Variants in LRRTM4 observed in about 807,000 individuals in gnomAD.
LRRTM4 encodes leucine-rich repeat transmembrane neuronal protein 4.
Under a neutral mutation model 47.6 loss-of-function variants are expected in LRRTM4, and 25 were observed. The ratio of observed to expected loss-of-function variants is 0.53; its 90% CI spans 0.38 to 0.73. LRRTM4 has a LOEUF of 0.73. LRRTM4 is among the 30% of genes least tolerant of loss of function. LRRTM4 has a pLI of 0.00. For missense variants in LRRTM4, 638 were observed against 713.4 expected (o/e 0.89, Z 1.20); for synonymous variants, 311 against 269.5 (o/e 1.15, Z -1.51).
chr2:76,962,417 A>C (rs1562343), intron 3 of LRRTM4, among the ~76,000 whole-genome samples: 1 of 150,942 alleles, frequency 6.6e-6, no homozygotes, highest in African/African-American at 2.4e-5. Context: ...TGTTGTTTGC[A>C]TAACAATATA....
At chr2:77,403,067 A>G (rs545584216) in intron 3 of LRRTM4, among the ~76,000 whole-genome samples, 1 of 152,106 alleles carries the variant, frequency 6.6e-6, no homozygotes, top group Non-Finnish European at 1.5e-5. Flanking sequence ...ACAATGAACC[A>G]TAAAAATTCT....
At chr2:77,307,507 A>G (rs530512086) in intron 3 of LRRTM4, among the ~76,000 whole-genome samples, 28 of 145,216 alleles carry the variant, frequency 1.9e-4, no homozygotes, top group Admixed American at 5.7e-4. Context: ...TCTATTACAC[A>G]CACACTACAT....
intron 3 of LRRTM4, among the ~76,000 whole-genome samples, chr2:77,445,655 C>CATTGACAAATGGTATT (rs1676023900): frequency 6.6e-6 from 1 of 151,970 alleles, no homozygotes; most frequent in African/African-American, 2.4e-5. Flanking sequence ...ATTTTCACAT[C>CATTGACAAATGGTATT]TCCAAACAAA....
rs1262052096 is a variant in LRRTM4 at position 77,225,079 on chromosome 2, C to A, written c.1551+293239G>T. 2.6e-5 allele frequency among the ~76,000 whole-genome samples: 4 copies of A among 151,820 alleles called. No individual in the cohort carries two copies. In the East Asian group the frequency reaches 7.8e-4, roughly 30 times the overall value. On this transcript the variant is annotated intron_variant, in intron 3 of 3. Coordinates refer to ENST00000409884, the MANE Select transcript of LRRTM4 (RefSeq NM_001134745.3). ...GCCCTTTGTAGGGACATGGATGAAG[C>A]TGGAAACCATCATTCTCAGCAAACT...
At chr2:77,413,239 C>A (rs1674508576) in intron 3 of LRRTM4, among the ~76,000 whole-genome samples, 1 of 152,052 alleles carries the variant, frequency 6.6e-6, no homozygotes, top group African/African-American at 2.4e-5. Flanking sequence ...AAATTTGTTG[C>A]TTGATAGACC....
chr2:76,965,676 T>C (rs1676001697), intron 3 of LRRTM4, among the ~76,000 whole-genome samples: 1 of 151,398 alleles, frequency 6.6e-6, no homozygotes, highest in South Asian at 2.1e-4. Context: ...AATTCTTGGT[T>C]CTACTACTTA....
intron 3 of LRRTM4, among the ~76,000 whole-genome samples, chr2:77,396,302 G>A (rs953629308): frequency 1.6e-4 from 25 of 151,772 alleles, no homozygotes; most frequent in African/African-American, 5.8e-4. Context: ...CACCACCGCT[G>A]AACTCAACAG....
intron 3 of LRRTM4, among the ~76,000 whole-genome samples, chr2:77,425,394 AC>A (rs1461253395): frequency 2.0e-5 from 3 of 152,116 alleles, no homozygotes; most frequent in Admixed American, 2.0e-4. Flanking sequence ...CCATCATATT[AC>A]TTGGCCCCTA....
At chr2:77,148,172 T>C (rs968233591) in intron 3 of LRRTM4, among the ~76,000 whole-genome samples, 15 of 152,290 alleles carry the variant, frequency 9.8e-5, no homozygotes, top group African/African-American at 2.6e-4. Context: ...TACCTTCCTT[T>C]CTAACTTTTA....
intron 3 of LRRTM4, among the ~76,000 whole-genome samples, chr2:77,034,690 T>G (rs909011419): frequency 6.6e-6 from 1 of 151,866 alleles, no homozygotes; most frequent in Non-Finnish European, 1.5e-5. Context: ...TTTGATCACT[T>G]TGGTCGGGCT....
chr2:76,990,512 A>G (rs1272973466), intron 3 of LRRTM4, among the ~76,000 whole-genome samples: 3 of 151,814 alleles, frequency 2.0e-5, no homozygotes, highest in Non-Finnish European at 4.4e-5. Context: ...TCTATCAGAT[A>G]AAACAGACTT....
rs551921266 is a variant in LRRTM4, at chr2:77,071,959, A to AT, written c.1552-323044dup. ...GGTATAAAGTATGAGAATTAATAAT[A>AT]TTTTTTGACTTGGTAAGACTCTCTT... On this transcript the variant is annotated intron_variant, in intron 3 of 3. Coordinates refer to ENST00000409884, the MANE Select transcript of LRRTM4 (RefSeq NM_001134745.3). 2.0e-4 allele frequency among the ~76,000 whole-genome samples: 30 copies of AT among 152,200 alleles called. No homozygotes were observed. In the South Asian group the frequency reaches 3.3e-3, roughly 17 times the overall value.
In LRRTM4 at chr2:77,212,949, A is replaced by G. The variant is rs72913961; in HGVS notation, c.1551+305369T>C. Among the ~76,000 whole-genome samples the G allele has an allele frequency of 6.9e-3, 1,053 of 152,290 alleles. 13 individuals carry two copies. Among genetic ancestry groups the G allele is most frequent in the African/African-American group, 0.024 (998 of 41,562 alleles). Reference sequence around the variant, plus strand: ...TTATTTCTTTGTACCCACTGATCACATAATGAACTTCACTGTACTTCATTA... The same window carrying G: ...TTATTTCTTTGTACCCACTGATCACGTAATGAACTTCACTGTACTTCATTA... On this transcript the variant is annotated intron_variant, in intron 3 of 3. Coordinates refer to ENST00000409884, the MANE Select transcript of LRRTM4 (RefSeq NM_001134745.3).
intron 3 of LRRTM4, among the ~76,000 whole-genome samples, chr2:77,064,643 C>T (rs539130306): frequency 6.6e-6 from 1 of 152,122 alleles, no homozygotes; most frequent in Non-Finnish European, 1.5e-5. Context: ...GCATTAAGTT[C>T]GGGAGTGTAT....
In LRRTM4 at chr2:77,170,765, G is replaced by T. The variant is rs141232515; in HGVS notation, c.1551+347553C>A. ...ATGTTTTATCACTATATTTATAAATGATCATAGGAATTTCTTTCTTAGTTT... is the reference window on the plus strand; with the variant it reads ...ATGTTTTATCACTATATTTATAAATTATCATAGGAATTTCTTTCTTAGTTT... On this transcript the variant is annotated intron_variant, in intron 3 of 3. Transcript: ENST00000409884. 5.5e-3 allele frequency among the ~76,000 whole-genome samples: 758 copies of T among 137,064 alleles called. 3 individuals are homozygous for T. Among genetic ancestry groups the T allele is most frequent in the Non-Finnish European group, 9.1e-3 (577 of 63,618 alleles). The allele number at this position is 137,064 out of a possible 152,430, so 89.9% of individuals were successfully genotyped here. A position where few individuals can be genotyped will look rare whatever the true frequency, so the allele number is the denominator to read the frequency against.
intron 3 of LRRTM4, among the ~76,000 whole-genome samples, chr2:77,198,662 T>C (rs1003012788): frequency 6.6e-6 from 1 of 152,186 alleles, no homozygotes; most frequent in African/African-American, 2.4e-5. Flanking sequence ...AAGAATAATA[T>C]AGCTATAAAA....
chr2:76,889,948 G>A (rs1448583808), intron 3 of LRRTM4, among the ~76,000 whole-genome samples: 1 of 151,878 alleles, frequency 6.6e-6, no homozygotes, highest in Non-Finnish European at 1.5e-5. Flanking sequence ...AGGACACTCT[G>A]TTCTGTGACC....
chr2:77,064,994 T>A lies in LRRTM4; in HGVS notation c.1552-316078A>T, dbSNP rs1321814762. ...CTCTGATAAGACTTTTTAATTAATG[T>A]TCATTATAGCACCTATTGAACTCAA... On this transcript the variant is annotated intron_variant, in intron 3 of 3. Transcript: ENST00000409884. Among the ~76,000 whole-genome samples the A allele has an allele frequency of 2.0e-5, 3 of 152,166 alleles. No homozygotes were observed. The East Asian group carries it at 5.8e-4, about 29-fold the overall frequency.
At chr2:76,862,255 A>G (rs1244984128) in intron 3 of LRRTM4, among the ~76,000 whole-genome samples, 1 of 151,930 alleles carries the variant, frequency 6.6e-6, no homozygotes, top group African/African-American at 2.4e-5. Flanking sequence ...GGTTGTTGGT[A>G]CTCTTGGTGC....
Sources: gnomAD v4.1 joint callset for allele counts (sites outside exome capture counted in the v4.1 genomes callset) on GRCh38, gnomAD v4.1.1 for gene constraint, MANE v1.5 for transcripts, NCBI Gene and HGNC (gene_info 2026-07-23, HGNC 2026-07-21) for gene names.